The following RNF180 variants were observed in gnomAD, a reference collection of about 807,000 sequenced individuals.
The protein encoded by RNF180 is E3 ubiquitin-protein ligase RNF180.
In RNF180, 38 loss-of-function variants were observed where a neutral mutation model predicts 59.2. The observed-to-expected ratio is 0.64, with a 90% CI of 0.50 to 0.84. RNF180 has a LOEUF of 0.84. RNF180 is among the 40% of genes least tolerant of loss of function. RNF180 has a pLI of 0.00. For synonymous variants in RNF180, 262 were observed against 240.3 expected (o/e 1.09, Z -0.84); for missense variants, 705 against 700.9 (o/e 1.01, Z -0.07).
intron 2 of RNF180, among the ~76,000 whole-genome samples, chr5:64,206,015 G>GTTA (rs1404480216): frequency 1.8e-4 from 28 of 152,262 alleles, no homozygotes; most frequent in Admixed American, 3.9e-4. Flanking sequence ...AATGTTAAAT[G>GTTA]AGATCTAGAA....
At position 64,172,902 on chromosome 5, in the gene RNF180, CT is replaced by C. The variant is rs1182687135; in HGVS notation, c.-1+6950del. On this transcript the variant is annotated intron_variant, in intron 1 of 7. Transcript: ENST00000389100. ...TTGACTGTCATGGTCAGTGGGAATG[CT>C]AAAAAAGGCTGAACATAGTTCTACC... is the stretch of plus-strand genomic sequence containing the variant. Among the ~76,000 whole-genome samples the C allele has an allele frequency of 9.9e-5, 15 of 152,254 alleles. 2 individuals carry two copies. The highest frequency in any genetic ancestry group is 3.6e-4 in the African/African-American group (15 of 41,532).
intron 2 of RNF180, among the ~76,000 whole-genome samples, chr5:64,203,081 AT>A (rs949810203): frequency 2.6e-5 from 4 of 152,218 alleles, no homozygotes; most frequent in African/African-American, 9.7e-5. Flanking sequence ...ATTAAAACAT[AT>A]TTAATGACCT....
chr5:64,204,406 A>T (rs1371504712), intron 2 of RNF180, among the ~76,000 whole-genome samples: 3 of 152,198 alleles, frequency 2.0e-5, no homozygotes, highest in African/African-American at 7.2e-5. Context: ...TTCAAATGAC[A>T]GTCTCACCAA....
At chr5:64,209,033 A>G (rs531116064) in intron 2 of RNF180, among the ~76,000 whole-genome samples, 7 of 152,110 alleles carry the variant, frequency 4.6e-5, no homozygotes, top group African/African-American at 1.7e-4. Flanking sequence ...ACCTTAAAGC[A>G]TACACAGGCT....
At chr5:64,360,533 A>G (rs1327496044) in intron 7 of RNF180, among the ~76,000 whole-genome samples, 1 of 151,800 alleles carries the variant, frequency 6.6e-6, no homozygotes, top group Non-Finnish European at 1.5e-5. Flanking sequence ...CTCCTATTCA[A>G]CATAGTGTTG....
chr5:64,175,777 C>G (rs887755343), intron 1 of RNF180, among the ~76,000 whole-genome samples: 1 of 152,038 alleles, frequency 6.6e-6, no homozygotes, highest in African/African-American at 2.4e-5. Context: ...TCTTCAATTT[C>G]TTTTATCGAT....
intron 5 of RNF180, among the ~76,000 whole-genome samples, chr5:64,286,637 A>G (rs753092401): frequency 1.3e-5 from 2 of 152,246 alleles, no homozygotes; most frequent in Non-Finnish European, 2.9e-5. Flanking sequence ...AAGAATATTA[A>G]TCTTTTCCAT....
intron 5 of RNF180, among the ~76,000 whole-genome samples, chr5:64,277,739 C>A (rs1456790431): frequency 6.6e-6 from 1 of 152,060 alleles, no homozygotes; most frequent in Non-Finnish European, 1.5e-5. Flanking sequence ...AATGGAAATA[C>A]CAGGGACAAA....
chr5:64,182,053 A>G (rs1259001587), intron 1 of RNF180, among the ~76,000 whole-genome samples: 2 of 138,588 alleles, frequency 1.4e-5, no homozygotes, highest in South Asian at 2.3e-4. Flanking sequence ...GTGCAGTGGC[A>G]CATCTTAGCT....
chr5:64,285,117 C>G (rs114883629), intron 5 of RNF180, among the ~76,000 whole-genome samples: 1 of 152,210 alleles, frequency 6.6e-6, no homozygotes, highest in Non-Finnish European at 1.5e-5. Context: ...GGGCTACAAG[C>G]TCCAGCTCTG....
At chr5:64,257,835 A>T (rs190897578) in intron 5 of RNF180, among the ~76,000 whole-genome samples, 2 of 152,300 alleles carry the variant, frequency 1.3e-5, no homozygotes, top group Admixed American at 6.5e-5. Context: ...GATCAACGAG[A>T]CAGAAAGTTA....
chr5:64,259,003 G>T (rs952116176), intron 5 of RNF180, among the ~76,000 whole-genome samples: 1 of 152,146 alleles, frequency 6.6e-6, no homozygotes, highest in African/African-American at 2.4e-5. Context: ...GGTAGGAGAA[G>T]AAGCTTATAT....
At chr5:64,231,530 A>T (rs1237347147) in intron 5 of RNF180, among the ~76,000 whole-genome samples, 1 of 152,244 alleles carries the variant, frequency 6.6e-6, no homozygotes, top group Non-Finnish European at 1.5e-5. Flanking sequence ...GATAAGGAAG[A>T]GTTGTGCTCT....
intron 2 of RNF180, among the ~76,000 whole-genome samples, chr5:64,201,235 G>GT (rs1191221842): frequency 6.6e-6 from 1 of 152,178 alleles, no homozygotes; most frequent in African/African-American, 2.4e-5. Flanking sequence ...AATAGTCAAT[G>GT]TTTTTTATTC....
chr5:64,342,037 C>T (rs1214402340), intron 7 of RNF180, among the ~76,000 whole-genome samples: 1 of 151,946 alleles, frequency 6.6e-6, no homozygotes, highest in Non-Finnish European at 1.5e-5. Flanking sequence ...ATTCTGAGTA[C>T]AACGAGAAAA....
intron 4 of RNF180, among the ~76,000 whole-genome samples, chr5:64,215,296 AAT>A (rs1380305788): frequency 6.6e-6 from 1 of 152,176 alleles, no homozygotes; most frequent in African/African-American, 2.4e-5. Context: ...ACTTATTCAT[AAT>A]AGTGTCCTTA....
At chr5:64,360,506 G>T (rs1435049863) in intron 7 of RNF180, among the ~76,000 whole-genome samples, 1 of 151,772 alleles carries the variant, frequency 6.6e-6, no homozygotes, top group Non-Finnish European at 1.5e-5. Context: ...ACAAGACAGG[G>T]ATGCCCTCTC....
intron 5 of RNF180, among the ~76,000 whole-genome samples, chr5:64,256,992 G>T (rs1414173226): frequency 6.6e-6 from 1 of 152,094 alleles, no homozygotes; most frequent in Non-Finnish European, 1.5e-5. Context: ...CTCCTGATTT[G>T]GCTCTCTGTT....
intron 5 of RNF180, among the ~76,000 whole-genome samples, chr5:64,248,542 A>G (rs1426553271): frequency 6.6e-6 from 1 of 152,244 alleles, no homozygotes; most frequent in Non-Finnish European, 1.5e-5. Context: ...AATGCAAATC[A>G]AAACCACAAT....
Sources: allele counts gnomAD v4.1 joint callset (sites outside exome capture counted in the v4.1 genomes callset), GRCh38; gene constraint gnomAD v4.1.1; transcripts MANE v1.5; gene names NCBI Gene and HGNC (gene_info 2026-07-23, HGNC 2026-07-21).